Variants in PCDHA4 observed in about 807,000 individuals in gnomAD.
The protein encoded by PCDHA4 is protocadherin alpha-4.
In PCDHA4, 49 loss-of-function variants were observed where a neutral mutation model predicts 61.4. The ratio of observed to expected loss-of-function variants is 0.80; its 90% confidence interval spans 0.63 to 1.01. The LOEUF is 1.01. Among genes scored for constraint, PCDHA4 ranks in the 50% least tolerant of loss-of-function variants. PCDHA4 has a pLI of 0.00. For synonymous variants in PCDHA4, 590 were observed against 550.3 expected (o/e 1.07, Z -1.01); for missense variants, 1,254 against 1,235.8 (o/e 1.01, Z -0.22).
At chr5:140,836,263 A>G in intron 1 of PCDHA4, 1 of 1,613,768 alleles carries the variant, frequency 6.2e-7, no homozygotes, top group Non-Finnish European at 8.5e-7. Context: ...GTGGGGCTGT[A>G]CACTGGTGAG....
At chr5:140,919,012 C>T (rs1411489160) in intron 1 of PCDHA4, among the ~76,000 whole-genome samples, 1 of 152,164 alleles carries the variant, frequency 6.6e-6, no homozygotes, top group Non-Finnish European at 1.5e-5. Flanking sequence ...CTTTCATTTC[C>T]TAGTGATCTT....
intron 1 of PCDHA4, among the ~76,000 whole-genome samples, chr5:140,913,266 T>C (rs1458769816): frequency 1.3e-5 from 2 of 152,176 alleles, no homozygotes; most frequent in Non-Finnish European, 2.9e-5. Flanking sequence ...TCTAATTACT[T>C]GTTATTGGTC....
chr5:140,829,347 C>G (rs1475492730), intron 1 of PCDHA4: 2 of 1,614,232 alleles, frequency 1.2e-6, no homozygotes, highest in Non-Finnish European at 1.7e-6. Flanking sequence ...GAGAGCGTGT[C>G]GGCCTATGAG....
chr5:141,009,690 T>G lies in PCDHA4; in HGVS notation c.2597T>G (p.Phe866Cys). The G allele has an allele frequency of 6.2e-7, 1 of 1,614,068 alleles. No homozygotes were observed. The highest frequency in any genetic ancestry group is 8.5e-7 in the Non-Finnish European group (1 of 1,180,024). The change falls in exon 4 of 4, where the codon TTT (phenylalanine) becomes TGT (cysteine). Residue 866 changes from phenylalanine to cysteine, a missense_variant. Phe to Cys is a radical substitution (Grantham distance 205). Coordinates refer to ENST00000530339, the MANE Select transcript of PCDHA4 (RefSeq NM_018907.4). ...GGTGTCAACAGCAACAGCTGGACCT[T>G]TAAATACGGACCAGGCAACCCCAAA... ...GAGVNSNSWT[F>C]KYGPGNPKQS...
chr5:140,818,631 G>A (rs1317233470), intron 1 of PCDHA4, among the ~76,000 whole-genome samples: 6 of 152,132 alleles, frequency 3.9e-5, no homozygotes, highest in Admixed American at 3.9e-4. Flanking sequence ...GAGCCCAGGA[G>A]TTCAAGATGA....
In PCDHA4 at chr5:140,807,152, CG is replaced by C; in HGVS notation, c.-35del. 1 of 1,579,498 alleles carries C rather than the reference CG, an allele frequency of 6.3e-7. No homozygotes were observed. The highest frequency in any genetic ancestry group is 8.6e-7 in the Non-Finnish European group (1 of 1,161,954). On this transcript the variant is annotated 5_prime_UTR_variant, in exon 1 of 4. Transcript: ENST00000530339. ...AAAGATTTCCCTTGACTTTGAGAAA[CG>C]ATATTTAATCAGAACAAAATACTGT...
At chr5:140,850,722 A>T (rs2150495731) in intron 1 of PCDHA4, 1 of 1,597,444 alleles carries the variant, frequency 6.3e-7, no homozygotes, top group Non-Finnish European at 8.6e-7. Flanking sequence ...GGTGTGTTCT[A>T]GCGCGGTGGG....
chr5:140,823,734 T>A, intron 1 of PCDHA4: 5 of 1,613,778 alleles, frequency 3.1e-6, no homozygotes, highest in Non-Finnish European at 4.2e-6. Context: ...TGAAGGACCA[T>A]GGAGAGCCCC....
intron 1 of PCDHA4, among the ~76,000 whole-genome samples, chr5:140,905,012 C>A (rs1335177928): frequency 6.6e-6 from 1 of 152,054 alleles, no homozygotes; most frequent in Non-Finnish European, 1.5e-5. Context: ...TTTGCTAATT[C>A]TTTTCTATGC....
At chr5:140,854,247 T>C (rs782783926) in intron 1 of PCDHA4, 12 of 635,110 alleles carry the variant, frequency 1.9e-5, no homozygotes, top group Non-Finnish European at 2.4e-5. Context: ...TGTTATCACT[T>C]GGTATAAAAT....
intron 1 of PCDHA4, among the ~76,000 whole-genome samples, chr5:140,941,906 GC>G: frequency 6.6e-6 from 1 of 152,248 alleles, no homozygotes; most frequent in South Asian, 2.1e-4. Context: ...ACATTGAAAT[GC>G]TTTTATGTAT....
intron 3 of PCDHA4, among the ~76,000 whole-genome samples, chr5:141,000,193 A>G (rs554462748): frequency 2.0e-5 from 3 of 151,958 alleles, no homozygotes; most frequent in Non-Finnish European, 4.4e-5. Flanking sequence ...ATGTGAGAAT[A>G]GTTTTTCACC....
chr5:141,009,905 G>A lies in PCDHA4; in HGVS notation c.2812G>A (p.Gly938Arg), dbSNP rs781954349. The change falls in exon 4 of 4, where the codon GGG becomes AGG. Residue 938 changes from glycine (G) to arginine (R), a missense_variant. Physicochemically the swap from Gly to Arg is moderately radical, Grantham distance 125. Coordinates refer to ENST00000530339, the MANE Select transcript of PCDHA4 (RefSeq NM_018907.4). ...GNKTQEKKEK[G>R]NSTTDNSDQ Reference sequence around the variant, plus strand: ...CAAGACCCAGGAGAAAAAAGAGAAAGGGAACAGCACGACTGACAACAGTGA... The same window carrying A: ...CAAGACCCAGGAGAAAAAAGAGAAAAGGAACAGCACGACTGACAACAGTGA... 7.4e-6 allele frequency: 12 copies of A among 1,613,058 alleles called. No homozygotes were observed. Among genetic ancestry groups the A allele is most frequent in the Non-Finnish European group, 1.0e-5 (12 of 1,179,832 alleles).
At chr5:140,919,940 A>C (rs1162813087) in intron 1 of PCDHA4, among the ~76,000 whole-genome samples, 3 of 152,064 alleles carry the variant, frequency 2.0e-5, no homozygotes, top group African/African-American at 7.2e-5. Context: ...GGCTAATTCC[A>C]GTGAAAAGTT....
At chr5:140,816,262 C>T (rs1765873375) in intron 1 of PCDHA4, 1 of 152,144 alleles carries the variant, frequency 6.6e-6, no homozygotes, top group Non-Finnish European at 1.5e-5. Context: ...TTCACTGACT[C>T]ATTCTTCTAC....
At chr5:140,881,353 G>T (rs537796043) in intron 1 of PCDHA4, 4 of 985,178 alleles carry the variant, frequency 4.1e-6, no homozygotes, top group Non-Finnish European at 4.8e-6. Context: ...GCTACAATGC[G>T]TGGCTTTCGT....
intron 1 of PCDHA4, chr5:140,870,359 C>T (rs781862161): frequency 2.5e-6 from 4 of 1,614,204 alleles, no homozygotes; most frequent in Middle Eastern, 1.6e-4. Context: ...AACGTGTGGG[C>T]CTATGAACTG....
At chr5:140,997,688 G>C (rs1232415745) in intron 3 of PCDHA4, among the ~76,000 whole-genome samples, 1 of 151,990 alleles carries the variant, frequency 6.6e-6, no homozygotes, top group Non-Finnish European at 1.5e-5. Context: ...GTGTGTGTGT[G>C]TGTGTGTGTA....
intron 1 of PCDHA4, chr5:140,871,382 A>G (rs781900960): frequency 1.2e-6 from 2 of 1,614,188 alleles, no homozygotes; most frequent in South Asian, 2.2e-5. Flanking sequence ...GTGTGCTCTG[A>G]GGAGGGCCCA....
Sources: allele counts gnomAD v4.1 joint callset (sites outside exome capture counted in the v4.1 genomes callset), GRCh38; gene constraint gnomAD v4.1.1; transcripts MANE v1.5; gene names NCBI Gene and HGNC (gene_info 2026-07-23, HGNC 2026-07-21).